MAPK10: variants seen among roughly 807,000 people sequenced by gnomAD.
The protein encoded by MAPK10 is JNK3 alpha protein kinase.
A neutral mutation model predicts 59.3 loss-of-function variants in MAPK10; 25 were observed. The observed-to-expected ratio is 0.42, with a 90% CI of 0.31 to 0.59. The LOEUF is 0.59. MAPK10 is among the 20% of genes least tolerant of loss of function. The pLI, the probability that MAPK10 is intolerant of heterozygous loss-of-function variation, is 0.15. For synonymous variants in MAPK10, 190 were observed against 200.5 expected (o/e 0.95, Z 0.44); for missense variants, 351 against 568.9 (o/e 0.62, Z 3.90).
At chr4:86,443,250 T>C (rs978359128) in intron 1 of MAPK10, among the ~76,000 whole-genome samples, 1 of 151,408 alleles carries the variant, frequency 6.6e-6, no homozygotes, top group Non-Finnish European at 1.5e-5. Flanking sequence ...AAAAAAAAAA[T>C]TCCCTTGTGT....
At chr4:86,527,837 C>A (rs1757586065) in intron 1 of MAPK10, among the ~76,000 whole-genome samples, 1 of 152,258 alleles carries the variant, frequency 6.6e-6, no homozygotes, top group Admixed American at 6.5e-5. Flanking sequence ...AGAATGAAAT[C>A]ATGTCCTTTG....
intron 9 of MAPK10, chr4:86,098,283 T>C (rs1235743365): frequency 5.4e-6 from 2 of 367,890 alleles, no homozygotes; most frequent in Admixed American, 4.3e-5. Context: ...TTTCTATTTT[T>C]AGTTGCAGGC....
At chr4:86,155,462 C>T (rs548127074) in intron 4 of MAPK10, among the ~76,000 whole-genome samples, 2 of 151,524 alleles carry the variant, frequency 1.3e-5, no homozygotes, top group Non-Finnish European at 2.9e-5. Context: ...ATATAATAAT[C>T]GTATATTGGT....
chr4:86,213,804 A>T (rs1489243604), intron 2 of MAPK10, among the ~76,000 whole-genome samples: 1 of 152,106 alleles, frequency 6.6e-6, no homozygotes, highest in Non-Finnish European at 1.5e-5. Flanking sequence ...AAGAAGAACT[A>T]ACTCCAATTA....
chr4:86,315,599 C>T (rs2095766133), intron 2 of MAPK10, among the ~76,000 whole-genome samples: 1 of 151,892 alleles, frequency 6.6e-6, no homozygotes, highest in Non-Finnish European at 1.5e-5. Flanking sequence ...AAATACTAAA[C>T]CCAACAATGT....
At chr4:86,110,146 T>C (rs559763609) in intron 4 of MAPK10, among the ~76,000 whole-genome samples, 6 of 152,324 alleles carry the variant, frequency 3.9e-5, no homozygotes, top group Non-Finnish European at 8.8e-5. Flanking sequence ...GATGGATAGA[T>C]TACAAAAGTT....
chr4:86,309,068 C>T (rs2095621991), intron 2 of MAPK10, among the ~76,000 whole-genome samples: 1 of 152,156 alleles, frequency 6.6e-6, no homozygotes, highest in Admixed American at 6.5e-5. Flanking sequence ...ACAATCTTTA[C>T]ATTAAAATGG....
At chr4:86,108,529 A>C (rs1167099655) in intron 4 of MAPK10, among the ~76,000 whole-genome samples, 2 of 152,184 alleles carry the variant, frequency 1.3e-5, no homozygotes, top group Non-Finnish European at 2.9e-5. Flanking sequence ...TCACAGAATA[A>C]GGTTGAAAAA....
At chr4:86,253,298 T>C (rs1171644991) in intron 2 of MAPK10, among the ~76,000 whole-genome samples, 1 of 64,886 alleles carries the variant, frequency 1.5e-5, no homozygotes, top group Non-Finnish European at 2.6e-5. Flanking sequence ...CAGTATGATA[T>C]TGGCTGTGGG....
At chr4:86,390,500 G>A (rs1234400935) in intron 1 of MAPK10, among the ~76,000 whole-genome samples, 1 of 152,198 alleles carries the variant, frequency 6.6e-6, no homozygotes, top group Non-Finnish European at 1.5e-5. Flanking sequence ...TAGGGTAGGG[G>A]CTTCCATGAG....
intron 3 of MAPK10, among the ~76,000 whole-genome samples, chr4:86,172,659 G>T (rs533626098): frequency 1.3e-4 from 20 of 150,892 alleles, no homozygotes; most frequent in Non-Finnish European, 2.7e-4. Context: ...CACCAGCATG[G>T]CACGTGTATA....
intron 1 of MAPK10, among the ~76,000 whole-genome samples, chr4:86,487,362 A>AGAGAGTGT (rs1554272299): frequency 3.4e-5 from 5 of 148,716 alleles, no homozygotes; most frequent in Non-Finnish European, 7.4e-5. Flanking sequence ...AGAGAGAGAG[A>AGAGAGTGT]GTGTGTGTGT....
chr4:86,366,592 T>G (rs534918468), intron 1 of MAPK10, among the ~76,000 whole-genome samples: 1 of 152,100 alleles, frequency 6.6e-6, no homozygotes, highest in East Asian at 1.9e-4. Flanking sequence ...GACCTAACCC[T>G]CAGAGTGAGG....
At chr4:86,461,422 C>T (rs1323025299) in intron 1 of MAPK10, among the ~76,000 whole-genome samples, 1 of 152,084 alleles carries the variant, frequency 6.6e-6, no homozygotes, top group Non-Finnish European at 1.5e-5. Flanking sequence ...TATCTAAAGA[C>T]CTGGAATCAA....
chr4:86,588,608 C>A (rs55773619), intron 1 of MAPK10, among the ~76,000 whole-genome samples: 33,870 of 151,802 alleles, frequency 0.22, 4,524 homozygotes, highest in Admixed American at 0.3. Context: ...CAATGAATAT[C>A]CTTGATCACA....
intron 1 of MAPK10, among the ~76,000 whole-genome samples, chr4:86,463,366 C>A (rs1457142576): frequency 6.6e-6 from 1 of 152,166 alleles, no homozygotes; most frequent in Admixed American, 6.5e-5. Context: ...GAAAGTGTTG[C>A]CATAAGGCAT....
At chr4:86,123,311 AGATT>A (rs1250660004) in intron 4 of MAPK10, among the ~76,000 whole-genome samples, 1 of 152,010 alleles carries the variant, frequency 6.6e-6, no homozygotes, top group Non-Finnish European at 1.5e-5. Context: ...ATGAACACTT[AGATT>A]GATTTCTTTT....
At chr4:86,221,075 G>C (rs2089425281) in intron 2 of MAPK10, among the ~76,000 whole-genome samples, 1 of 152,178 alleles carries the variant, frequency 6.6e-6, no homozygotes, top group Non-Finnish European at 1.5e-5. Context: ...CTCCCGAATA[G>C]AAGGCGGCTG....
At chr4:86,551,525 A>ATCTTTCCTTCCTTCCTTCCTTCCT (rs1284226545) in intron 1 of MAPK10, among the ~76,000 whole-genome samples, 17 of 151,344 alleles carry the variant, frequency 1.1e-4, no homozygotes, top group South Asian at 2.1e-4. Context: ...TCTTCCTTCC[A>ATCTTTCCTTCCTTCCTTCCTTCCT]TCTTTCCTTC....
Sources: gnomAD v4.1 joint callset for allele counts (sites outside exome capture counted in the v4.1 genomes callset) on GRCh38, gnomAD v4.1.1 for gene constraint, MANE v1.5 for transcripts, NCBI Gene and HGNC (gene_info 2026-07-23, HGNC 2026-07-21) for gene names.